CR1L: variants seen among roughly 807,000 people sequenced by gnomAD.
The protein encoded by CR1L is complement C3b/C4b receptor 1 like.
Under a neutral mutation model 62.3 loss-of-function variants are expected in CR1L, and 59 were observed. That is an observed-to-expected ratio of 0.95 (90% confidence interval 0.77 to 1.18). The LOEUF (loss-of-function observed/expected upper bound fraction) is 1.18, where lower values mean the gene tolerates loss of function less well. Ranked by LOEUF, CR1L falls within the 50% of genes most tolerant of loss-of-function variation. CR1L has a pLI of 0.00. For missense variants in CR1L, 700 were observed against 702.8 expected, an observed-to-expected ratio of 1.00 and a Z score of 0.04; for synonymous variants, 279 against 248.7, an observed-to-expected ratio of 1.12 and a Z score of -1.15.
chr1:207,685,120 G>A (rs530466810), intron 4 of CR1L, among the ~76,000 whole-genome samples: 1 of 152,158 alleles, frequency 6.6e-6, no homozygotes, highest in Admixed American at 6.5e-5. Context: ...TAGTAAAATA[G>A]AAAAAACAAA....
At chr1:207,695,505 T>G (rs1199727634) in intron 5 of CR1L, among the ~76,000 whole-genome samples, 3 of 152,126 alleles carry the variant, frequency 2.0e-5, no homozygotes, top group Non-Finnish European at 4.4e-5. Context: ...GACTGAAGAC[T>G]GAAACGCAAG....
At chr1:207,680,345 G>A (rs778627965) in intron 3 of CR1L, among the ~76,000 whole-genome samples, 37 of 152,060 alleles carry the variant, frequency 2.4e-4, no homozygotes, top group African/African-American at 7.2e-4. Flanking sequence ...AAACAGACAC[G>A]CACACAGTCG....
chr1:207,650,862 T>C (rs948746655), intron 1 of CR1L, among the ~76,000 whole-genome samples: 4 of 151,788 alleles, frequency 2.6e-5, no homozygotes, highest in Admixed American at 6.6e-5. Flanking sequence ...CTCAGCTCAC[T>C]GCAACCTCTG....
intron 5 of CR1L, 149 bp from the exon 6 acceptor site, chr1:207,697,354 T>G (rs1404929049): frequency 1.9e-5 from 29 of 1,509,286 alleles, no homozygotes; most frequent in East Asian, 1.9e-4. Flanking sequence ...CCTCGCCCTG[T>G]GTATTTAGTT....
chr1:207,689,260 A>G (rs944643646), intron 4 of CR1L, among the ~76,000 whole-genome samples: 2 of 152,070 alleles, frequency 1.3e-5, no homozygotes, highest in Non-Finnish European at 2.9e-5. Flanking sequence ...AATGTAATAT[A>G]TTACATTGAT....
chr1:207,699,351 T>A, intron 8 of CR1L, 77 bp downstream of exon 8: 2 of 1,530,840 alleles, frequency 1.3e-6, no homozygotes, highest in Non-Finnish European at 1.8e-6. Context: ...CCTCCCCTAA[T>A]GTGGTTCTTC....
At chr1:207,674,937 T>C (rs1663666429) in intron 1 of CR1L, among the ~76,000 whole-genome samples, 1 of 152,094 alleles carries the variant, frequency 6.6e-6, no homozygotes, top group Non-Finnish European at 1.5e-5. Flanking sequence ...TTAAAAAATA[T>C]AGACTCCTGG....
chr1:207,654,086 G>A (rs115461262), intron 1 of CR1L, among the ~76,000 whole-genome samples: 262 of 152,284 alleles, frequency 1.7e-3, no homozygotes, highest in Admixed American at 4.1e-3. Context: ...CTCTAGAAAG[G>A]CATTATCCCT....
intron 1 of CR1L, among the ~76,000 whole-genome samples, chr1:207,661,852 A>T (rs533056463): frequency 6.6e-6 from 1 of 152,240 alleles, no homozygotes; most frequent in Non-Finnish European, 1.5e-5. Context: ...TGGTGACAAA[A>T]TCTCTCAGCA....
rs1043435184 is a variant in CR1L, at chr1:207,652,561, C to T, written c.97+7231C>T. On this transcript the variant is annotated intron_variant, in intron 1 of 11. Coordinates refer to ENST00000508064, the MANE Select transcript of CR1L (RefSeq NM_175710.2). ...CTTATCCCTAGATGCCTATGAGGAG[C>T]CACCAACATTTGAAGCTATGGAGCT... is the stretch of plus-strand genomic sequence containing the variant. The T allele has an allele frequency of 3.2e-6, 5 of 1,541,862 alleles. No homozygotes were observed. In the East Asian group the frequency reaches 6.8e-5, roughly 21 times the overall value.
chr1:207,683,590 A>T (rs980826411), intron 3 of CR1L, among the ~76,000 whole-genome samples: 144 of 152,314 alleles, frequency 9.5e-4, no homozygotes, highest in African/African-American at 3.2e-3. Context: ...GTTGTCTTTT[A>T]AAAAAATGAA....
intron 1 of CR1L, among the ~76,000 whole-genome samples, chr1:207,665,418 T>C (rs116192843): frequency 0.029 from 4,237 of 147,978 alleles, 203 homozygotes; most frequent in African/African-American, 0.098. Context: ...TTTTTTCTAG[T>C]TGGAGCCTTG....
chr1:207,651,063 A>G (rs12041397), intron 1 of CR1L, among the ~76,000 whole-genome samples: 59,515 of 151,882 alleles, frequency 0.39, 11,850 homozygotes, highest in African/African-American at 0.43. Context: ...GGGATTACAG[A>G]CGTGAGCCAC....
At chr1:207,663,613 T>C (rs2102447685) in intron 1 of CR1L, among the ~76,000 whole-genome samples, 1 of 152,358 alleles carries the variant, frequency 6.6e-6, no homozygotes, top group Non-Finnish European at 1.5e-5. Context: ...TGCCTCGCCC[T>C]GCTTCGGCTC....
chr1:207,695,060 C>A (rs1053170723), intron 5 of CR1L, among the ~76,000 whole-genome samples: 2 of 152,178 alleles, frequency 1.3e-5, no homozygotes, highest in African/African-American at 4.8e-5. Flanking sequence ...CACCATAATA[C>A]AGGCTACATG....
intron 10 of CR1L, among the ~76,000 whole-genome samples, chr1:207,716,106 G>C (rs1483955730): frequency 1.3e-5 from 2 of 152,146 alleles, no homozygotes; most frequent in Non-Finnish European, 2.9e-5. Context: ...GACTTTCCAT[G>C]TGTAGAAAAT....
intron 11 of CR1L, among the ~76,000 whole-genome samples, chr1:207,720,647 T>C (rs1047993309): frequency 6.6e-6 from 1 of 152,164 alleles, no homozygotes; most frequent in Non-Finnish European, 1.5e-5. Flanking sequence ...AATTGCCAGG[T>C]ACCCTTTAAA....
chr1:207,680,810 G>A (rs1442150693), intron 3 of CR1L, among the ~76,000 whole-genome samples: 4 of 152,134 alleles, frequency 2.6e-5, no homozygotes, highest in Admixed American at 6.5e-5. Flanking sequence ...CGCCTTTTCA[G>A]GGAGCAATAA....
At chr1:207,651,789 C>T (rs2102439366) in intron 1 of CR1L, among the ~76,000 whole-genome samples, 1 of 152,248 alleles carries the variant, frequency 6.6e-6, no homozygotes, top group East Asian at 1.9e-4. Context: ...ATGCATGATG[C>T]AATGATCAGT....
Sources: gnomAD v4.1 joint callset for allele counts (sites outside exome capture counted in the v4.1 genomes callset) on GRCh38, gnomAD v4.1.1 for gene constraint, MANE v1.5 for transcripts, NCBI Gene and HGNC (gene_info 2026-07-23, HGNC 2026-07-21) for gene names.